The following AFDN variants were observed in gnomAD, a reference collection of about 807,000 sequenced individuals.
The protein encoded by AFDN is afadin, adherens junction formation factor.
In AFDN, 68 loss-of-function variants were observed where a neutral mutation model predicts 216.6. That is an observed-to-expected ratio of 0.31 (90% CI 0.26 to 0.38). The LOEUF (loss-of-function observed/expected upper bound fraction) is 0.38. AFDN is among the 10% of genes least tolerant of loss of function. AFDN has a pLI of 1.00. For missense variants in AFDN, 2,136 were observed against 2,342.0 expected, an observed-to-expected ratio of 0.91 and a Z score of 1.82; for synonymous variants, 868 against 853.7, an observed-to-expected ratio of 1.02 and a Z score of -0.29.
At chr6:167,876,484 T>TA (rs1238587209) in intron 5 of AFDN, among the ~76,000 whole-genome samples, 1 of 152,218 alleles carries the variant, frequency 6.6e-6, no homozygotes, top group African/African-American at 2.4e-5. Flanking sequence ...AGAACAGTAG[T>TA]AAAAATTTTT....
intron 1 of AFDN, among the ~76,000 whole-genome samples, chr6:167,849,793 A>G (rs1782097631): frequency 6.6e-6 from 1 of 152,210 alleles, no homozygotes; most frequent in Admixed American, 6.5e-5. Context: ...TTTCACCATG[A>G]TTCTGTTTTG....
chr6:167,918,378 A>G (rs1394373938), intron 20 of AFDN, among the ~76,000 whole-genome samples: 2 of 152,240 alleles, frequency 1.3e-5, no homozygotes, highest in African/African-American at 4.8e-5. Flanking sequence ...ATACAAATAT[A>G]GTTATTAACA....
intron 4 of AFDN, among the ~76,000 whole-genome samples, chr6:167,874,103 C>T (rs1004475770): frequency 2.0e-5 from 3 of 152,172 alleles, no homozygotes; most frequent in South Asian, 2.1e-4. Context: ...GAGTTTAAAA[C>T]AGGCTAGGTT....
intron 30 of AFDN, 32 bp downstream of exon 30, chr6:167,952,219 C>T (rs536826164): frequency 1.2e-6 from 2 of 1,613,732 alleles, no homozygotes; most frequent in African/African-American, 2.7e-5. Flanking sequence ...CTGTGCCCAT[C>T]TGTGGTCCCT....
intron 27 of AFDN, among the ~76,000 whole-genome samples, chr6:167,947,243 G>C (rs1444989527): frequency 6.6e-6 from 1 of 151,370 alleles, no homozygotes; most frequent in African/African-American, 2.4e-5. Flanking sequence ...GCAGTGGCGC[G>C]ATCTCGGCTA....
chr6:167,880,225 T>G (rs1274499362), intron 5 of AFDN, 135 bp from the exon 6 acceptor site: 2 of 747,360 alleles, frequency 2.7e-6, no homozygotes, highest in Non-Finnish European at 4.4e-6. Context: ...GAAACAATAG[T>G]TATTAGGCAG....
chr6:167,950,392 C>CTGTGTGTGTGTGTGTG lies in AFDN; in HGVS notation c.3832-789_3832-788insGTGTGTGTGTGTGTGT, dbSNP rs201112836. On this transcript the variant is annotated intron_variant, in intron 29 of 33. Coordinates refer to ENST00000683244, the MANE Select transcript of AFDN (RefSeq NM_001386888.1). ...TTGGAAAAAGTATACTCATTTTTCT[C>CTGTGTGTGTGTGTGTG]TGTGTCTGTGTGTGTGTGTGTGTGT... is the stretch of plus-strand genomic sequence containing the variant. Among the ~76,000 whole-genome samples the CTGTGTGTGTGTGTGTG allele has an allele frequency of 4.3e-5, 6 of 139,372 alleles. 1 individual carries two copies. Among genetic ancestry groups the CTGTGTGTGTGTGTGTG allele is most frequent in the African/African-American group, 1.5e-4 (6 of 39,956 alleles). The allele number at this position is 139,372 out of a possible 152,430, so 91.4% of individuals were successfully genotyped here.
chr6:167,891,007 C>T lies in AFDN; in HGVS notation c.1155C>T (p.Pro385=). 1.2e-6 allele frequency: 2 copies of T among 1,613,562 alleles called. No individual in the cohort carries two copies. ...CCACCCTTCCTCCGGAGAAGCTGCC[C>T]TATTTAGTAGAGTTAAGCCCAGGTG... The part of the protein sequence containing the change: ...YGSTLPPEKL[P]YLVELSPGRR... Residue 385 remains proline (P), a synonymous_variant, in exon 8 of 34, where the codon CCC becomes CCT. Coordinates refer to ENST00000683244, the MANE Select transcript of AFDN (RefSeq NM_001386888.1).
intron 6 of AFDN, among the ~76,000 whole-genome samples, chr6:167,884,118 T>C (rs543406501): frequency 2.0e-5 from 3 of 152,364 alleles, no homozygotes; most frequent in Admixed American, 2.0e-4. Context: ...ACTCCTTGTT[T>C]GTTCAGCTTT....
At position 167,827,170 on chromosome 6, in the gene AFDN, TG is replaced by T; in HGVS notation, c.40del (p.Ala14ProfsTer29). 1 of 1,303,658 alleles carries T rather than the reference TG, an allele frequency of 7.7e-7. No homozygotes were observed. The highest frequency in any genetic ancestry group is 1.3e-5 in the South Asian group (1 of 76,878). 80.8% of individuals were successfully genotyped at this position (1,303,658 alleles called of 1,614,324 possible). On this transcript the variant is annotated frameshift_variant, in exon 1 of 34. Transcript: ENST00000683244. LOFTEE classifies it high-confidence loss of function. ...AGGRDEERRK[L>X]ADIIHHWNAN... is the part of the protein sequence containing the mutation. ...GGCCGTGACGAGGAGCGGCGGAAGC[TG>T]GCCGACATCATCCACCACTGGAACG...
intron 17 of AFDN, 91 bp from the exon 18 acceptor site, chr6:167,914,553 T>C: frequency 1.0e-6 from 1 of 1,004,744 alleles, no homozygotes; most frequent in African/African-American, 1.6e-5. Context: ...AAAATATTTT[T>C]TAAGAGTCCA....
chr6:167,905,974 G>A (rs1162782522), intron 12 of AFDN, among the ~76,000 whole-genome samples: 3 of 152,088 alleles, frequency 2.0e-5, no homozygotes, highest in East Asian at 3.9e-4. Flanking sequence ...GCGTGGTGGC[G>A]GGCGCCTGTA....
rs377073023 is a variant in AFDN at position 167,851,695 on chromosome 6, T to G, written c.106-12856T>G. On this transcript the variant is annotated intron_variant, in intron 1 of 33. Coordinates refer to ENST00000683244, the MANE Select transcript of AFDN (RefSeq NM_001386888.1). ...GGCACAGATTCATGTGGGTATTAAG[T>G]GAAAGTAAAATTAAGTGGGATTTTA... 3.0e-4 allele frequency among the ~76,000 whole-genome samples: 46 copies of G among 152,310 alleles called. 1 individual carries two copies. The East Asian group carries it at 3.3e-3, about 11-fold the overall frequency.
rs988122171 is a variant in AFDN, at chr6:167,879,996, G to A, written c.740-364G>A. On this transcript the variant is annotated intron_variant, in intron 5 of 33. Coordinates refer to ENST00000683244, the MANE Select transcript of AFDN (RefSeq NM_001386888.1). ...ATAATAATATATAGGTAAGGAAATC[G>A]CAAAGCAATTGAATAAAGAGCAGCA... 3.3e-5 allele frequency among the ~76,000 whole-genome samples: 5 copies of A among 152,074 alleles called. No homozygotes were observed. In the East Asian group the frequency reaches 5.8e-4, roughly 18 times the overall value.
At chr6:167,967,845 T>C (rs1421793849) in intron 32 of AFDN, among the ~76,000 whole-genome samples, 1 of 152,196 alleles carries the variant, frequency 6.6e-6, no homozygotes, top group African/African-American at 2.4e-5. Flanking sequence ...CTTGCTCAGC[T>C]CTGTTTGTGT....
At chr6:167,966,977 C>T (rs949069092) in intron 32 of AFDN, among the ~76,000 whole-genome samples, 5 of 152,166 alleles carry the variant, frequency 3.3e-5, no homozygotes, top group Admixed American at 6.5e-5. Context: ...GTGCAGCTGC[C>T]GTTAGGGAAA....
At chr6:167,860,168 T>G (rs1163341129) in intron 1 of AFDN, among the ~76,000 whole-genome samples, 2 of 138,714 alleles carry the variant, frequency 1.4e-5, no homozygotes, top group African/African-American at 5.6e-5. Flanking sequence ...GCTTTTTTTT[T>G]TTTTTTTTTT....
Position 167,951,571 on chromosome 6 carries a change from T to C in AFDN, c.4217T>C (p.Leu1406Pro). 6.2e-7 allele frequency: 1 copy of C among 1,613,958 alleles called. No homozygotes were observed. The highest frequency in any genetic ancestry group is 1.1e-5 in the South Asian group (1 of 91,024). ...CCCCCTTCCGCCAACCAGATAGGGC[T>C]GCCGTCTGCGCAGGTGGCTGCTGCT... is the stretch of plus-strand genomic sequence containing the variant. ...PPPPSANQIG[L>P]PSAQVAAAER... Residue 1406 changes from leucine to proline, a missense_variant, in exon 30 of 34, where the codon CTG becomes CCG. Transcript: ENST00000683244. This position sits in a 1 kb window ranked among gnomAD's most constrained non-coding sequence, Gnocchi z 7.1.
intron 27 of AFDN, 130 bp downstream of exon 27, chr6:167,947,031 C>CT (rs1416059643): frequency 1.3e-6 from 1 of 772,362 alleles, no homozygotes; most frequent in East Asian, 3.0e-5. Context: ...ATATGGTTTT[C>CT]ATAAGGGATA....
Sources: gnomAD v4.1 joint callset for allele counts (sites outside exome capture counted in the v4.1 genomes callset) on GRCh38, gnomAD v4.1.1 for gene constraint, Gnocchi (gnomAD v3.1) non-coding constraint, MANE v1.5 for transcripts, NCBI Gene and HGNC (gene_info 2026-07-23, HGNC 2026-07-21) for gene names.